Variants in EEFSEC observed in about 807,000 individuals in gnomAD.
EEFSEC encodes selenocysteine-specific elongation factor.
In EEFSEC, 43 loss-of-function variants were observed where a neutral mutation model predicts 42.1. That is an observed-to-expected ratio of 1.02 (90% CI 0.80 to 1.32). The LOEUF (loss-of-function observed/expected upper bound fraction) is 1.32, where lower values mean the gene tolerates loss of function less well. EEFSEC is among the 40% of genes most tolerant of loss of function. EEFSEC has a pLI of 0.00. For synonymous variants in EEFSEC, 354 were observed against 339.1 expected, an observed-to-expected ratio of 1.04 and a Z score of -0.48; for missense variants, 745 against 803.6, an observed-to-expected ratio of 0.93 and a Z score of 0.88.
intron 1 of EEFSEC, among the ~76,000 whole-genome samples, chr3:128,210,531 A>G (rs183007877): frequency 6.6e-5 from 10 of 152,282 alleles, no homozygotes; most frequent in Admixed American, 2.6e-4. Flanking sequence ...GTAAACCCCA[A>G]CCTTAAGGAT....
chr3:128,362,466 C>G (rs2067539075), intron 6 of EEFSEC, among the ~76,000 whole-genome samples: 1 of 152,230 alleles, frequency 6.6e-6, no homozygotes, highest in Admixed American at 6.5e-5. Context: ...TAAAATCTCC[C>G]AGGGCTGTTG....
intron 1 of EEFSEC, among the ~76,000 whole-genome samples, chr3:128,207,820 G>A (rs980632641): frequency 2.0e-5 from 3 of 152,024 alleles, no homozygotes; most frequent in Admixed American, 1.3e-4. Flanking sequence ...TAATAATCAC[G>A]GACCCCTGAG....
At chr3:128,231,133 A>C (rs1176975867) in intron 1 of EEFSEC, among the ~76,000 whole-genome samples, 2 of 149,938 alleles carry the variant, frequency 1.3e-5, no homozygotes, top group African/African-American at 4.9e-5. Context: ...GTGAGCCCTC[A>C]TTGTGGACTG....
chr3:128,340,413 TATTA>T (rs2067237756), intron 4 of EEFSEC, among the ~76,000 whole-genome samples: 1 of 150,696 alleles, frequency 6.6e-6, no homozygotes, highest in East Asian at 1.9e-4. Context: ...GTAATTTATA[TATTA>T]ATTTTATATT....
At chr3:128,198,596 A>G (rs1219235877) in intron 1 of EEFSEC, among the ~76,000 whole-genome samples, 1 of 152,236 alleles carries the variant, frequency 6.6e-6, no homozygotes, top group Non-Finnish European at 1.5e-5. Flanking sequence ...CTTGGCTGAC[A>G]GGGAGCATTA....
chr3:128,344,236 T>C (rs1443574181), intron 5 of EEFSEC, among the ~76,000 whole-genome samples: 1 of 152,278 alleles, frequency 6.6e-6, no homozygotes, highest in Admixed American at 6.5e-5. Context: ...CCCTCCACTC[T>C]GTCACCACTC....
intron 1 of EEFSEC, among the ~76,000 whole-genome samples, chr3:128,211,608 C>G (rs1313913148): frequency 6.7e-6 from 1 of 149,680 alleles, no homozygotes; most frequent in East Asian, 2.0e-4. Context: ...CTCTGCCTCC[C>G]TGGTTCAAGT....
intron 1 of EEFSEC, among the ~76,000 whole-genome samples, chr3:128,160,946 T>C (rs1390066260): frequency 6.6e-6 from 1 of 152,218 alleles, no homozygotes; most frequent in Non-Finnish European, 1.5e-5. Flanking sequence ...TATTTAGTGC[T>C]TGTCTGTATG....
chr3:128,200,097 G>A (rs1167979821), intron 1 of EEFSEC, among the ~76,000 whole-genome samples: 4 of 151,838 alleles, frequency 2.6e-5, no homozygotes, highest in South Asian at 2.1e-4. Context: ...AAATCTCAGG[G>A]CTACGTTTAT....
intron 1 of EEFSEC, among the ~76,000 whole-genome samples, chr3:128,229,760 G>T (rs75741435): frequency 0.011 from 1,660 of 152,142 alleles, 32 homozygotes; most frequent in African/African-American, 0.038. Context: ...CAGATTTTTG[G>T]CATCTCTTAA....
At chr3:128,229,862 G>A (rs967735750) in intron 1 of EEFSEC, among the ~76,000 whole-genome samples, 2 of 152,170 alleles carry the variant, frequency 1.3e-5, no homozygotes, top group African/African-American at 4.8e-5. Flanking sequence ...CAAATGGGGT[G>A]CGGGAGTTTC....
At chr3:128,184,948 T>C (rs1291536428) in intron 1 of EEFSEC, among the ~76,000 whole-genome samples, 2 of 152,108 alleles carry the variant, frequency 1.3e-5, no homozygotes, top group South Asian at 2.1e-4. Context: ...AAGCTAGAGA[T>C]TGTTTGAGCC....
At chr3:128,235,975 T>A (rs982205139) in intron 1 of EEFSEC, among the ~76,000 whole-genome samples, 16 of 151,992 alleles carry the variant, frequency 1.1e-4, no homozygotes, top group Non-Finnish European at 1.9e-4. Context: ...TGTTTGTTTG[T>A]TTGTTTTCAG....
chr3:128,341,066 T>A (rs554341065), intron 4 of EEFSEC, among the ~76,000 whole-genome samples, 167 bp from the exon 5 acceptor site: 1 of 152,294 alleles, frequency 6.6e-6, no homozygotes, highest in East Asian at 1.9e-4. Context: ...GTGTGGTACC[T>A]GCTCTGGTCC....
chr3:128,236,128 A>G (rs1379201608), intron 1 of EEFSEC, among the ~76,000 whole-genome samples: 1 of 152,040 alleles, frequency 6.6e-6, no homozygotes, highest in Non-Finnish European at 1.5e-5. Flanking sequence ...GGCACGCAAC[A>G]CCCCATCCGG....
chr3:128,423,092 C>T, the EEFSEC span, among the ~76,000 whole-genome samples: 2 of 152,322 alleles, frequency 1.3e-5, no homozygotes, highest in Non-Finnish European at 2.9e-5. Context: ...ATATTAGGAC[C>T]ACCTTCTCTG....
intron 4 of EEFSEC, among the ~76,000 whole-genome samples, chr3:128,272,978 C>T (rs915123737): frequency 2.6e-5 from 4 of 152,236 alleles, no homozygotes; most frequent in African/African-American, 7.2e-5. Context: ...CCCCATCACT[C>T]ACGGGGCAGT....
At chr3:128,297,804 C>T (rs902328237) in intron 4 of EEFSEC, among the ~76,000 whole-genome samples, 1 of 152,202 alleles carries the variant, frequency 6.6e-6, no homozygotes. Flanking sequence ...GCCTAAGCTA[C>T]TCTCACCACA....
At chr3:128,422,472 G>A in the EEFSEC span, among the ~76,000 whole-genome samples, 5 of 152,186 alleles carry the variant, frequency 3.3e-5, no homozygotes, top group African/African-American at 1.2e-4. Flanking sequence ...TCCCACATGG[G>A]CCCTTGTACT....
Sources: allele counts gnomAD v4.1 joint callset (sites outside exome capture counted in the v4.1 genomes callset), GRCh38; gene constraint gnomAD v4.1.1; transcripts MANE v1.5; gene names NCBI Gene and HGNC (gene_info 2026-07-23, HGNC 2026-07-21).